The following MATN2 variants were observed in gnomAD, a reference collection of about 807,000 sequenced individuals.
MATN2 encodes the protein matrilin 2.
In MATN2, 69 loss-of-function variants were observed where a neutral mutation model predicts 103.2. That is an observed-to-expected ratio of 0.67 (90% CI 0.55 to 0.82). The LOEUF (loss-of-function observed/expected upper bound fraction) is 0.82. Among genes scored for constraint, MATN2 ranks in the 40% least tolerant of loss-of-function variants. The probability of loss-of-function intolerance (pLI) is 0.00; values close to 1 mark genes in which losing one functional copy is unlikely to be tolerated. For missense variants in MATN2, 1,023 were observed against 1,211.5 expected (o/e 0.84, Z 2.31); for synonymous variants, 429 against 450.2 (o/e 0.95, Z 0.60).
chr8:97,875,690 G>GTTTTTTTTTTTTTTTTTT (rs763539274), intron 1 of MATN2, among the ~76,000 whole-genome samples: 1 of 82,034 alleles, frequency 1.2e-5, no homozygotes, highest in Admixed American at 1.5e-4. Flanking sequence ...GTATTTGCCT[G>GTTTTTTTTTTTTTTTTTT]TTTTTTTTTT....
chr8:97,951,355 C>T (rs1346244638), intron 4 of MATN2, among the ~76,000 whole-genome samples: 1 of 152,298 alleles, frequency 6.6e-6, no homozygotes, highest in Non-Finnish European at 1.5e-5. Flanking sequence ...ATGTACATAT[C>T]AGGGGAACAT....
intron 4 of MATN2, among the ~76,000 whole-genome samples, chr8:97,958,524 C>A (rs1213462568): frequency 5.3e-5 from 8 of 152,196 alleles, no homozygotes; most frequent in Admixed American, 5.2e-4. Context: ...GGTGGGCTGA[C>A]AGCCGATGGG....
At chr8:97,939,795 CTG>C (rs1009126106) in intron 3 of MATN2, among the ~76,000 whole-genome samples, 5 of 152,334 alleles carry the variant, frequency 3.3e-5, no homozygotes, top group African/African-American at 1.2e-4. Context: ...AATATGGAAT[CTG>C]TGAAGAATGA....
chr8:98,028,144 T>C (rs558331491), intron 14 of MATN2, among the ~76,000 whole-genome samples: 38 of 152,300 alleles, frequency 2.5e-4, no homozygotes, highest in African/African-American at 8.7e-4. Context: ...ATATACACAA[T>C]AGTTCCGAAA....
At chr8:97,960,043 G>A (rs574918491) in intron 4 of MATN2, among the ~76,000 whole-genome samples, 145 of 151,646 alleles carry the variant, frequency 9.6e-4, no homozygotes, top group African/African-American at 3.1e-3. Flanking sequence ...TCCACCTCCC[G>A]GGTTCAAGCC....
At chr8:98,030,658 G>T (rs770332612) in intron 15 of MATN2, 44 bp downstream of exon 15, 2 of 1,578,332 alleles carry the variant, frequency 1.3e-6, no homozygotes, top group East Asian at 2.3e-5. Flanking sequence ...AAGGCAGCAT[G>T]AACTCCTTTT....
chr8:97,988,171 A>AAAATAT (rs1252963740), intron 6 of MATN2, among the ~76,000 whole-genome samples: 4 of 46,118 alleles, frequency 8.7e-5, no homozygotes, highest in African/African-American at 5.1e-4. Flanking sequence ...AAAAAAAAAA[A>AAAATAT]ATATATATAT....
intron 3 of MATN2, among the ~76,000 whole-genome samples, chr8:97,940,633 GCTC>G (rs1810521298): frequency 6.6e-6 from 1 of 152,166 alleles, no homozygotes; most frequent in African/African-American, 2.4e-5. Context: ...GCTTTTGAGA[GCTC>G]CTTTTATTTT....
intron 14 of MATN2, 123 bp from the exon 15 acceptor site, chr8:98,030,339 T>G: frequency 1.5e-6 from 1 of 684,302 alleles, no homozygotes; most frequent in East Asian, 2.9e-5. Context: ...AAAGGAAGGT[T>G]GGCATGGACT....
intron 4 of MATN2, among the ~76,000 whole-genome samples, chr8:97,960,106 GC>G (rs1403966803): frequency 1.3e-5 from 2 of 152,062 alleles, no homozygotes; most frequent in African/African-American, 4.8e-5. Context: ...ACAGGCGCGT[GC>G]CACCACGCCA....
intron 7 of MATN2, among the ~76,000 whole-genome samples, chr8:97,999,713 G>A (rs916242599): frequency 6.6e-6 from 1 of 152,106 alleles, no homozygotes; most frequent in Non-Finnish European, 1.5e-5. Context: ...AAGGGTCAGT[G>A]ACACAGCAAG....
At chr8:98,024,252 C>G (rs987079109) in intron 13 of MATN2, among the ~76,000 whole-genome samples, 1 of 152,106 alleles carries the variant, frequency 6.6e-6, no homozygotes, top group Non-Finnish European at 1.5e-5. Flanking sequence ...TGCCTTTAAT[C>G]CCGGCACCTT....
At chr8:97,954,514 G>A (rs1048466295) in intron 4 of MATN2, among the ~76,000 whole-genome samples, 2 of 152,196 alleles carry the variant, frequency 1.3e-5, no homozygotes, top group Non-Finnish European at 2.9e-5. Context: ...TCCCACCGTG[G>A]ACATTTCAAG....
At chr8:97,997,253 G>A (rs1006155116) in intron 7 of MATN2, among the ~76,000 whole-genome samples, 2 of 152,216 alleles carry the variant, frequency 1.3e-5, no homozygotes, top group African/African-American at 4.8e-5. Context: ...GGGTTCGACT[G>A]AGCCAAGAGA....
intron 6 of MATN2, among the ~76,000 whole-genome samples, chr8:97,981,030 T>A (rs574948170): frequency 1.9e-4 from 29 of 151,856 alleles, no homozygotes; most frequent in African/African-American, 6.5e-4. Flanking sequence ...GTTTTTTTTT[T>A]AATTAGCCAG....
At chr8:98,021,726 AT>A (rs900974456) in intron 13 of MATN2, among the ~76,000 whole-genome samples, 1 of 152,018 alleles carries the variant, frequency 6.6e-6, no homozygotes, top group African/African-American at 2.4e-5. Flanking sequence ...TGAGAGAATT[AT>A]TTTTTAATCT....
chr8:98,024,490 G>T (rs1813715640), intron 13 of MATN2, among the ~76,000 whole-genome samples: 1 of 151,460 alleles, frequency 6.6e-6, no homozygotes, highest in African/African-American at 2.5e-5. Flanking sequence ...GGGCGAGAGA[G>T]CGAGATGCCA....
chr8:98,013,439 T>TACC (rs1813243741), intron 10 of MATN2, among the ~76,000 whole-genome samples: 1 of 152,174 alleles, frequency 6.6e-6, no homozygotes, highest in Admixed American at 6.5e-5. Flanking sequence ...TGGATCTAAT[T>TACC]ACCCTCAATT....
At chr8:97,869,670 G>C (rs1040491731) in intron 1 of MATN2, among the ~76,000 whole-genome samples, 1 of 152,198 alleles carries the variant, frequency 6.6e-6, no homozygotes, top group Non-Finnish European at 1.5e-5. Context: ...CCTATTCCAC[G>C]GACAGCCGAT....
Sources: gnomAD v4.1 joint callset for allele counts (sites outside exome capture counted in the v4.1 genomes callset) on GRCh38, gnomAD v4.1.1 for gene constraint, MANE v1.5 for transcripts, NCBI Gene and HGNC (gene_info 2026-07-23, HGNC 2026-07-21) for gene names.